PRG4: variants seen among roughly 807,000 people sequenced by gnomAD.
PRG4 encodes the protein articular superficial zone protein.
PRG4 carries 61 observed loss-of-function variants against 91.2 expected under a neutral mutation model. That is an observed-to-expected ratio of 0.67 (90% CI 0.54 to 0.83). The LOEUF is 0.83. Ranked by LOEUF, PRG4 falls within the 40% of genes least tolerant of loss-of-function variation. The pLI, the probability that PRG4 is intolerant of heterozygous loss-of-function variation, is 0.00. For missense variants in PRG4, 1,564 were observed against 1,714.2 expected, an observed-to-expected ratio of 0.91 and a Z score of 1.55; for synonymous variants, 576 against 614.2, an observed-to-expected ratio of 0.94 and a Z score of 0.92.
intron 12 of PRG4, chr1:186,313,122 A>T: frequency 1.9e-6 from 1 of 536,234 alleles, no homozygotes; most frequent in Non-Finnish European, 3.3e-6. Flanking sequence ...TAAAACATCC[A>T]GTTACTAGAG....
In PRG4 at chr1:186,309,026, G is replaced by A. The variant is rs1170175623; in HGVS notation, c.3307G>A (p.Glu1103Lys). 6.2e-7 allele frequency: 1 copy of A among 1,611,894 alleles called. No individual in the cohort carries two copies. The highest frequency in any genetic ancestry group is 1.3e-5 in the African/African-American group (1 of 74,854). The change falls in exon 7 of 13, where the codon GAA becomes AAA. Residue 1103 changes from glutamate to lysine, a missense_variant. Physicochemically the swap from Glu to Lys is moderately conservative, Grantham distance 56. Transcript: ENST00000445192. ...TGAAGATGCAGGTGGTGCTGAAGGA[G>A]AAACACCTCATATGCTTCTCAGGCC... ...KSEDAGGAEG[E>K]TPHMLLRPHV...
rs367625951 is a variant in PRG4 at position 186,314,059 on chromosome 1, T to C, written c.*281T>C. On this transcript the variant is annotated 3_prime_UTR_variant, in exon 13 of 13. Transcript: ENST00000445192. ...AGAAAAAAGAATCAAATTGAATATA[T>C]CTTTTAAGAATTCAAAACTAGTGTA... 3.2e-4 allele frequency: 506 copies of C among 1,593,888 alleles called. No homozygotes were observed. Among genetic ancestry groups the C allele is most frequent in the Non-Finnish European group, 4.0e-4 (471 of 1,170,182 alleles).
rs970963501 is a variant in PRG4, at chr1:186,312,576, T to C, written c.3992-193T>C. The C allele has an allele frequency of 4.6e-5, 36 of 778,924 alleles. No homozygotes were observed. The African/African-American group carries it at 5.4e-4, about 12-fold the overall frequency. 48.3% of individuals were successfully genotyped at this position (778,924 alleles called of 1,614,324 possible). A position where few individuals can be genotyped will look rare whatever the true frequency, so the allele number is the denominator to read the frequency against. On this transcript the variant is annotated intron_variant, in intron 11 of 12. Transcript: ENST00000445192. ...CCTTGTGGGTAAGTAAAGCAGTTTG[T>C]TCAGGTTTGTTAGTTATAACCAATA...
In PRG4 at chr1:186,301,650, C is replaced by A. The variant is rs762328095; in HGVS notation, c.258C>A (p.Cys86Ter). Residue 86 changes from cysteine to a stop codon, truncating the protein, a stop_gained, in exon 4 of 13, where the codon TGC becomes TGA. Coordinates refer to ENST00000445192, the MANE Select transcript of PRG4 (RefSeq NM_005807.6). LOFTEE classifies it high-confidence loss of function. ...ESFERGRECD[C>*]DAQCKKYDKC... ...TCGAGAGAGGGAGGGAGTGTGACTG[C>A]GACGCCCAATGTAAGAAGTATGACA... 3 of 1,613,662 alleles carry A rather than the reference C, an allele frequency of 1.9e-6. No homozygotes were observed. The highest frequency in any genetic ancestry group is 2.2e-5 in the South Asian group (2 of 91,058).
intron 12 of PRG4, 152 bp downstream of exon 12, chr1:186,313,046 G>A: frequency 3.7e-6 from 3 of 818,928 alleles, no homozygotes; most frequent in Non-Finnish European, 5.8e-6. Context: ...TAAGACTTTT[G>A]CTTTAATTTC....
chr1:186,309,271 A>G (rs1656993625), intron 7 of PRG4, 131 bp downstream of exon 7: 1 of 958,256 alleles, frequency 1.0e-6, no homozygotes, highest in East Asian at 2.6e-5. Flanking sequence ...GTGAAGTTTT[A>G]CAGCTTCCCT....
chr1:186,296,745 T>C (rs1191127118), intron 1 of PRG4, 101 bp from the exon 2 acceptor site: 1 of 685,698 alleles, frequency 1.5e-6, no homozygotes. Context: ...GATGGTTTTA[T>C]TATTGTTACA....
At chr1:186,305,355 T>C (rs530875327) in intron 6 of PRG4, among the ~76,000 whole-genome samples, 6 of 152,324 alleles carry the variant, frequency 3.9e-5, no homozygotes, top group East Asian at 1.9e-4. Flanking sequence ...CAAACCTCTA[T>C]GGAAAAAATA....
Position 186,304,088 on chromosome 1 carries a change from C to T in PRG4, c.320-20C>T. 1 of 1,613,328 alleles carries T rather than the reference C, an allele frequency of 6.2e-7. No individual in the cohort carries two copies. Among genetic ancestry groups the T allele is most frequent in the Non-Finnish European group, 8.5e-7 (1 of 1,179,238 alleles). On this transcript the variant is annotated intron_variant, in intron 4 of 12. Transcript: ENST00000445192. Reference sequence around the variant, plus strand: ...TGAACATAAACAAGATGTTAACTGACTTGTCTTACTTGGCCTCAGTGCATA... The same window carrying T: ...TGAACATAAACAAGATGTTAACTGATTTGTCTTACTTGGCCTCAGTGCATA...
Position 186,301,608 on chromosome 1 carries a change from C to T in PRG4, c.216C>T (p.Gly72=). Residue 72 remains glycine, a synonymous_variant, in exon 4 of 13, where the codon GGC becomes GGT. Transcript: ENST00000445192. The stretch of plus-strand genomic sequence containing the variant: ...TCTGGGTAGAGCTTTCCTGTAAAGG[C>T]CGCTGCTTTGAGTCCTTCGAGAGAG... ...RVCTAELSCK[G]RCFESFERGR... 1 of 1,614,008 alleles carries T rather than the reference C, an allele frequency of 6.2e-7. No homozygotes were observed. Among genetic ancestry groups the T allele is most frequent in the Non-Finnish European group, 8.5e-7 (1 of 1,179,954 alleles).
At position 186,312,169 on chromosome 1, in the gene PRG4, T is replaced by C. The variant is rs1657301743; in HGVS notation, c.3794-6T>C. The stretch of plus-strand genomic sequence containing the variant: ...ATTTTCCATGTGATATTCTAATACA[T>C]AACAGGTGGCAGCATTCAGCAGTAT... On this transcript the variant is annotated splice_region_variant and splice_polypyrimidine_tract_variant and intron_variant, in intron 10 of 12. Transcript: ENST00000445192. 6.2e-7 allele frequency: 1 copy of C among 1,612,938 alleles called. No individual in the cohort carries two copies. Among genetic ancestry groups the C allele is most frequent in the Non-Finnish European group, 8.5e-7 (1 of 1,178,974 alleles).
At position 186,307,272 on chromosome 1, in the gene PRG4, C is replaced by T. The variant is rs1656704143; in HGVS notation, c.1553C>T (p.Thr518Ile). 4.4e-6 allele frequency: 7 copies of T among 1,600,182 alleles called. No individual in the cohort carries two copies. The highest frequency in any genetic ancestry group is 5.1e-6 in the Non-Finnish European group (6 of 1,175,292). ...ACCACCAAGGAGCCTTCACCCACCA[C>T]TCCCAAGGAGCCTGCACCCACCACC... ...PTTTKEPSPT[T>I]PKEPAPTTTK... The change falls in exon 7 of 13, where the codon ACT becomes ATT. Residue 518 changes from threonine to isoleucine, a missense_variant. Thr to Ile is a moderately conservative substitution (Grantham distance 89). Transcript: ENST00000445192.
chr1:186,308,250 C>T lies in PRG4; in HGVS notation c.2531C>T (p.Pro844Leu). ...CCCACTACCCCCAAGAAGCCTGCTCCAACTACTCCTGAGACACCTCCTCCA... is the reference window on the plus strand; with the variant it reads ...CCCACTACCCCCAAGAAGCCTGCTCTAACTACTCCTGAGACACCTCCTCCA... The part of the protein sequence containing the change: ...PAPTTPKKPA[P>L]TTPETPPPTT... Residue 844 changes from proline to leucine, a missense_variant, in exon 7 of 13, where the codon CCA becomes CTA. By Grantham distance (98) the Pro-to-Leu change is moderately conservative. This residue lies in a region of PRG4 where 1,079 missense variants were observed against 1,162.2 expected (regional missense o/e 0.93). Transcript: ENST00000445192. The T allele has an allele frequency of 6.2e-7, 1 of 1,614,074 alleles. No homozygotes were observed. Among genetic ancestry groups the T allele is most frequent in the South Asian group, 1.1e-5 (1 of 91,080 alleles).
In PRG4 at chr1:186,304,181, A is replaced by G. The variant is rs374987733; in HGVS notation, c.393A>G (p.Ser131=). ...CAGGAGCATCTCAAACCATCAAATCAACAACCAAACGTTCACCCAAACCAC... is the reference window on the plus strand; with the variant it reads ...CAGGAGCATCTCAAACCATCAAATCGACAACCAAACGTTCACCCAAACCAC... The part of the protein sequence containing the change: ...PPSGASQTIK[S]TTKRSPKPPN... The change falls in exon 5 of 13, where the codon TCA becomes TCG. Residue 131 remains serine (S), a synonymous_variant. Transcript: ENST00000445192. The G allele has an allele frequency of 1.9e-6, 3 of 1,613,740 alleles. No homozygotes were observed. Among genetic ancestry groups the G allele is most frequent in the Non-Finnish European group, 2.5e-6 (3 of 1,179,696 alleles).
chr1:186,307,812 C>T lies in PRG4; in HGVS notation c.2093C>T (p.Pro698Leu), dbSNP rs1362178005. The T allele has an allele frequency of 1.2e-6, 2 of 1,611,860 alleles. No homozygotes were observed. Among genetic ancestry groups the T allele is most frequent in the Non-Finnish European group, 1.7e-6 (2 of 1,179,572 alleles). ...PAPTTPKEPA[P>L]TTPKETAPTT... ...CCAACTACCCCTAAGGAGCCTGCTC[C>T]AACTACCCCTAAGGAGACTGCTCCA... The change falls in exon 7 of 13, where the codon CCA (proline) becomes CTA (leucine). Residue 698 changes from proline (P) to leucine (L), a missense_variant. This residue lies in a region of PRG4 where 1,079 missense variants were observed against 1,162.2 expected (regional missense o/e 0.93). Transcript: ENST00000445192.
chr1:186,307,717 C>T lies in PRG4; in HGVS notation c.1998C>T (p.Pro666=). ...CCACCACCCCTGAGGAGCCTGCTCC[C>T]ACCACTCCCAAGGCAGCGGCTCCCA... ...PTPTTPEEPA[P]TTPKAAAPNT... Residue 666 remains proline (P), a synonymous_variant, in exon 7 of 13, where the codon CCC becomes CCT. Coordinates refer to ENST00000445192, the MANE Select transcript of PRG4 (RefSeq NM_005807.6). The T allele has an allele frequency of 6.2e-7, 1 of 1,609,834 alleles. No homozygotes were observed. The highest frequency in any genetic ancestry group is 8.5e-7 in the Non-Finnish European group (1 of 1,178,816).
At chr1:186,311,367 C>T (rs938285130) in intron 9 of PRG4, 73 bp from the exon 10 acceptor site, 13 of 1,516,576 alleles carry the variant, frequency 8.6e-6, no homozygotes, top group African/African-American at 1.4e-5. Flanking sequence ...TCTCTCTATA[C>T]TTAAATCTAG....
At chr1:186,305,707 A>C (rs1045672023) in intron 6 of PRG4, among the ~76,000 whole-genome samples, 4 of 152,232 alleles carry the variant, frequency 2.6e-5, no homozygotes, top group African/African-American at 9.6e-5. Flanking sequence ...CATGTGGGGC[A>C]GCTGCTATGG....
intron 4 of PRG4, among the ~76,000 whole-genome samples, chr1:186,301,978 C>CT (rs1045496962): frequency 3.3e-5 from 5 of 152,084 alleles, no homozygotes; most frequent in South Asian, 2.1e-4. Context: ...ATGTATATGT[C>CT]TTTTTTTTCT....
Sources: allele counts gnomAD v4.1 joint callset (sites outside exome capture counted in the v4.1 genomes callset), GRCh38; gene constraint gnomAD v4.1.1; regional missense constraint gnomAD v4.1.1; transcripts MANE v1.5; gene names NCBI Gene and HGNC (gene_info 2026-07-23, HGNC 2026-07-21).